The following LUZP2 variants were observed in gnomAD, a reference collection of about 807,000 sequenced individuals.
LUZP2 encodes the protein leucine zipper protein 2.
In LUZP2, 52 loss-of-function variants were observed where a neutral mutation model predicts 51.6. The observed-to-expected ratio is 1.01, with a 90% CI of 0.81 to 1.27. The LOEUF is 1.27. Among genes scored for constraint, LUZP2 ranks in the 50% most tolerant of loss-of-function variants. The pLI is 0.00. For synonymous variants in LUZP2, 154 were observed against 137.3 expected, an observed-to-expected ratio of 1.12 and a Z score of -0.85; for missense variants, 436 against 395.4, an observed-to-expected ratio of 1.10 and a Z score of -0.87.
At chr11:24,785,335 A>G in intron 5 of LUZP2, among the ~76,000 whole-genome samples, 1 of 152,056 alleles carries the variant, frequency 6.6e-6, no homozygotes, top group Non-Finnish European at 1.5e-5. Context: ...TAACAATCTA[A>G]GGCTTAAATA....
chr11:24,982,040 C>T (rs1856046957), intron 8 of LUZP2, among the ~76,000 whole-genome samples: 1 of 151,804 alleles, frequency 6.6e-6, no homozygotes, highest in South Asian at 2.1e-4. Context: ...TAGAGAAACG[C>T]GAATCAAAAT....
At chr11:24,950,259 CA>C (rs1272402262) in intron 7 of LUZP2, among the ~76,000 whole-genome samples, 1 of 151,354 alleles carries the variant, frequency 6.6e-6, no homozygotes, top group Non-Finnish European at 1.5e-5. Context: ...AAAAGAAATG[CA>C]AGAAAGAGGA....
chr11:25,066,891 A>G (rs1565304228), intron 10 of LUZP2, among the ~76,000 whole-genome samples: 1 of 152,006 alleles, frequency 6.6e-6, no homozygotes, highest in Non-Finnish European at 1.5e-5. Flanking sequence ...GTCTGTTTCT[A>G]TCATCTGCAA....
At chr11:24,609,601 G>A (rs11828275) in intron 1 of LUZP2, among the ~76,000 whole-genome samples, 2,542 of 151,834 alleles carry the variant, frequency 0.017, 73 homozygotes, top group African/African-American at 0.057. Context: ...GTGGTGGCAT[G>A]TGCCTGTAAT....
intron 5 of LUZP2, among the ~76,000 whole-genome samples, chr11:24,905,274 C>T (rs1853410448): frequency 6.6e-6 from 1 of 152,042 alleles, no homozygotes; most frequent in Admixed American, 6.5e-5. Context: ...ACCTGTAATC[C>T]CAGCACTTTG....
intron 1 of LUZP2, among the ~76,000 whole-genome samples, chr11:24,526,143 A>G (rs1278230063): frequency 7.5e-5 from 10 of 133,468 alleles, no homozygotes; most frequent in Admixed American, 3.6e-4. Context: ...TACTAAGTTT[A>G]TCTGTTTCTG....
chr11:24,714,085 A>G (rs1857945679), intron 1 of LUZP2, among the ~76,000 whole-genome samples: 1 of 151,982 alleles, frequency 6.6e-6, no homozygotes, highest in African/African-American at 2.4e-5. Context: ...CTTACATAGC[A>G]TTTACACATT....
At chr11:25,036,866 T>G (rs1181112871) in intron 9 of LUZP2, among the ~76,000 whole-genome samples, 2 of 152,096 alleles carry the variant, frequency 1.3e-5, no homozygotes, top group African/African-American at 4.8e-5. Context: ...GAGGCTTGCT[T>G]TATTATTGAA....
At chr11:24,564,750 C>T (rs1223712074) in intron 1 of LUZP2, among the ~76,000 whole-genome samples, 1 of 152,072 alleles carries the variant, frequency 6.6e-6, no homozygotes, top group Non-Finnish European at 1.5e-5. Flanking sequence ...GAAAGTCTCT[C>T]ACAGTTTTTT....
At chr11:24,782,852 A>G (rs1045545141) in intron 5 of LUZP2, among the ~76,000 whole-genome samples, 22 of 152,058 alleles carry the variant, frequency 1.4e-4, no homozygotes, top group African/African-American at 4.8e-4. Context: ...CAAGCCTTTT[A>G]TATACATAAT....
chr11:24,497,144 C>A lies in LUZP2; in HGVS notation c.-100C>A. 1.8e-6 allele frequency: 2 copies of A among 1,088,422 alleles called. No homozygotes were observed. The highest frequency in any genetic ancestry group is 1.3e-6 in the Non-Finnish European group (1 of 791,280). 67.4% of individuals were successfully genotyped at this position (1,088,422 alleles called of 1,614,324 possible). The stretch of plus-strand genomic sequence containing the variant: ...CGCCTTTCCGCCTCGGAAGAGCGCT[C>A]ATCACTGGCTGGGGACAGAGCCGGG... On this transcript the variant is annotated 5_prime_UTR_variant, in exon 1 of 12. Transcript: ENST00000336930.
At chr11:24,851,817 G>A (rs2134224142) in intron 5 of LUZP2, among the ~76,000 whole-genome samples, 1 of 152,230 alleles carries the variant, frequency 6.6e-6, no homozygotes, top group Admixed American at 6.5e-5. Flanking sequence ...TCTATTCAGG[G>A]ATTTGACTTC....
At chr11:24,719,319 A>T (rs1024695306) in intron 1 of LUZP2, among the ~76,000 whole-genome samples, 13 of 152,216 alleles carry the variant, frequency 8.5e-5, no homozygotes, top group African/African-American at 2.9e-4. Context: ...ATGGGATTTG[A>T]TTGAGCAAAT....
At chr11:24,692,686 G>T (rs753086696) in intron 1 of LUZP2, among the ~76,000 whole-genome samples, 16 of 152,002 alleles carry the variant, frequency 1.1e-4, no homozygotes, top group Non-Finnish European at 1.6e-4. Context: ...CACATATTGT[G>T]CCATTTGGCT....
intron 9 of LUZP2, among the ~76,000 whole-genome samples, chr11:24,983,945 C>G (rs1214738297): frequency 6.6e-6 from 1 of 151,638 alleles, no homozygotes; most frequent in African/African-American, 2.4e-5. Flanking sequence ...CACCAACCTA[C>G]TTTAGACAAA....
chr11:24,930,052 T>G (rs1854399462), intron 7 of LUZP2, among the ~76,000 whole-genome samples: 1 of 152,226 alleles, frequency 6.6e-6, no homozygotes, highest in Admixed American at 6.5e-5. Context: ...TAGCTACTGT[T>G]GTTCACTTTT....
chr11:24,681,805 A>G (rs1856745232), intron 1 of LUZP2, among the ~76,000 whole-genome samples: 4 of 152,188 alleles, frequency 2.6e-5, no homozygotes, highest in South Asian at 2.1e-4. Flanking sequence ...TACACTATTT[A>G]CATTAGTTCA....
chr11:24,884,775 C>G (rs1272835005), intron 5 of LUZP2, among the ~76,000 whole-genome samples: 2 of 151,992 alleles, frequency 1.3e-5, no homozygotes, highest in Non-Finnish European at 2.9e-5. Context: ...TAAATAGGTG[C>G]TTCTCCAGAG....
rs939872813 is a variant in LUZP2 at position 24,646,557 on chromosome 11, T to G, written c.63-82612T>G. ...AGTCTCTTGATTGCAAGATGACTGC[T>G]TCTGCTGGAACCTCCATATCCATAT... On this transcript the variant is annotated intron_variant, in intron 1 of 11. Coordinates refer to ENST00000336930, the MANE Select transcript of LUZP2 (RefSeq NM_001009909.4). 4.1e-6 allele frequency: 4 copies of G among 983,494 alleles called. No homozygotes were observed. In the African/African-American group the frequency reaches 7.0e-5, roughly 17 times the overall value. The allele number at this position is 983,494 out of a possible 1,614,324, so 60.9% of individuals were successfully genotyped here.
Sources: gnomAD v4.1 joint callset for allele counts (sites outside exome capture counted in the v4.1 genomes callset) on GRCh38, gnomAD v4.1.1 for gene constraint, MANE v1.5 for transcripts, NCBI Gene and HGNC (gene_info 2026-07-23, HGNC 2026-07-21) for gene names.